The following ADAM22 variants were observed in gnomAD, a reference collection of about 807,000 sequenced individuals.
The protein encoded by ADAM22 is disintegrin and metalloproteinase domain-containing protein 22.
ADAM22 carries 65 observed loss-of-function variants against 144.6 expected under a neutral mutation model. The observed-to-expected ratio is 0.45, with a 90% CI of 0.37 to 0.55. The LOEUF (loss-of-function observed/expected upper bound fraction) is 0.55. Among genes scored for constraint, ADAM22 ranks in the 20% least tolerant of loss-of-function variants. The probability of loss-of-function intolerance (pLI) is 0.00; values close to 1 mark genes in which losing one functional copy is unlikely to be tolerated. For missense variants in ADAM22, 974 were observed against 1,184.9 expected (o/e 0.82, Z 2.61); for synonymous variants, 391 against 412.6 (o/e 0.95, Z 0.63).
chr7:88,065,590 T>C (rs1394578115), intron 3 of ADAM22, among the ~76,000 whole-genome samples: 2 of 152,028 alleles, frequency 1.3e-5, no homozygotes, highest in Non-Finnish European at 2.9e-5. Context: ...TTCTTGACAA[T>C]ATATATTTTT....
intron 4 of ADAM22, among the ~76,000 whole-genome samples, chr7:88,102,060 G>C (rs948323789): frequency 1.2e-4 from 19 of 152,152 alleles, no homozygotes; most frequent in Admixed American, 2.0e-4. Context: ...TTTCTCACTT[G>C]TAAAAGGGGG....
At chr7:87,939,969 G>A (rs1016920132) in intron 2 of ADAM22, among the ~76,000 whole-genome samples, 3 of 152,052 alleles carry the variant, frequency 2.0e-5, no homozygotes, top group African/African-American at 7.2e-5. Context: ...CGAGGTAGGT[G>A]GATCATTTGA....
chr7:88,120,417 C>T (rs1421235179), intron 7 of ADAM22, among the ~76,000 whole-genome samples: 2 of 152,002 alleles, frequency 1.3e-5, no homozygotes, highest in African/African-American at 4.8e-5. Context: ...TTGCTGAACC[C>T]TTTTTCCAAA....
At chr7:87,951,091 C>T (rs1844999089) in intron 2 of ADAM22, among the ~76,000 whole-genome samples, 1 of 151,972 alleles carries the variant, frequency 6.6e-6, no homozygotes, top group Non-Finnish European at 1.5e-5. Context: ...CTGTAGGTTG[C>T]CTGTTCACTC....
intron 3 of ADAM22, among the ~76,000 whole-genome samples, chr7:88,001,444 T>G (rs546859573): frequency 1.7e-4 from 26 of 152,296 alleles, no homozygotes; most frequent in African/African-American, 6.0e-4. Context: ...ATTTTAGGGT[T>G]AGGAATGCTC....
At chr7:88,080,050 T>A (rs752056634) in intron 4 of ADAM22, among the ~76,000 whole-genome samples, 10 of 152,190 alleles carry the variant, frequency 6.6e-5, no homozygotes, top group Non-Finnish European at 1.5e-4. Flanking sequence ...ATACATTCTT[T>A]TCAGCACCAC....
At chr7:87,994,248 G>A (rs954914894) in intron 3 of ADAM22, among the ~76,000 whole-genome samples, 1 of 150,800 alleles carries the variant, frequency 6.6e-6, no homozygotes, top group Non-Finnish European at 1.5e-5. Context: ...TGCAAGCTCC[G>A]CCTCCTGGTT....
At chr7:87,949,931 T>C (rs1198806241) in intron 2 of ADAM22, among the ~76,000 whole-genome samples, 5 of 150,616 alleles carry the variant, frequency 3.3e-5, no homozygotes, top group Non-Finnish European at 5.9e-5. Context: ...TAATATAAAA[T>C]ATTTATATTC....
chr7:88,178,932 T>C lies in ADAM22; in HGVS notation c.2301-3T>C. The C allele has an allele frequency of 2.5e-6, 4 of 1,601,946 alleles. No homozygotes were observed. The highest frequency in any genetic ancestry group is 2.6e-6 in the Non-Finnish European group (3 of 1,173,144). On this transcript the variant is annotated splice_region_variant and splice_polypyrimidine_tract_variant and intron_variant, in intron 26 of 31. Transcript: ENST00000413139. ...TGACTCTGAAATGTTTATTATGCCT[T>C]AGACAGTTACCCCAGGGAGATTATG...
At position 88,197,191 on chromosome 7, in the gene ADAM22, C is replaced by T. The variant is rs1459049418; in HGVS notation, c.*700C>T. 1.3e-5 allele frequency: 2 copies of T among 152,346 alleles called. No homozygotes were observed. Among genetic ancestry groups the T allele is most frequent in the African/African-American group, 4.8e-5 (2 of 41,438 alleles). The allele number at this position is 152,346 out of a possible 1,614,324, so 9.4% of individuals were successfully genotyped here. On this transcript the variant is annotated 3_prime_UTR_variant, in exon 32 of 32. Coordinates refer to ENST00000413139, the MANE Select transcript of ADAM22 (RefSeq NM_001324418.2). The stretch of plus-strand genomic sequence containing the variant: ...TGCCAAATGCCTAAAAATTCCGTCA[C>T]AATCACATCATCGTCATCCATCCAG...
chr7:87,949,382 C>T (rs1844472690), intron 2 of ADAM22, among the ~76,000 whole-genome samples: 2 of 152,242 alleles, frequency 1.3e-5, no homozygotes, highest in African/African-American at 4.8e-5. Flanking sequence ...CACATAAAGT[C>T]TCCTTGCTGT....
At chr7:88,154,382 T>C (rs1839307965) in intron 21 of ADAM22, among the ~76,000 whole-genome samples, 1 of 152,144 alleles carries the variant, frequency 6.6e-6, no homozygotes, top group Non-Finnish European at 1.5e-5. Context: ...CCTCCATGCC[T>C]ACATTTATGC....
chr7:88,138,477 G>A (rs1395720397), intron 14 of ADAM22, among the ~76,000 whole-genome samples: 3 of 152,128 alleles, frequency 2.0e-5, no homozygotes, highest in East Asian at 3.9e-4. Context: ...GGGATATGAC[G>A]CTATAATTTG....
chr7:87,975,106 G>A (rs1041330170), intron 2 of ADAM22, among the ~76,000 whole-genome samples: 1 of 151,982 alleles, frequency 6.6e-6, no homozygotes, highest in Non-Finnish European at 1.5e-5. Flanking sequence ...GCATATTTAG[G>A]GGTCATTATT....
intron 3 of ADAM22, among the ~76,000 whole-genome samples, chr7:88,059,966 T>C (rs561542625): frequency 6.6e-6 from 1 of 152,176 alleles, no homozygotes; most frequent in South Asian, 2.1e-4. Flanking sequence ...CTCTTAATTA[T>C]ACAATATATA....
intron 7 of ADAM22, among the ~76,000 whole-genome samples, chr7:88,120,074 T>A (rs528108312): frequency 6.6e-6 from 1 of 152,204 alleles, no homozygotes; most frequent in African/African-American, 2.4e-5. Flanking sequence ...ATTCAGTATA[T>A]CTTGGGTGGG....
At chr7:87,964,916 C>T (rs1442571104) in intron 2 of ADAM22, among the ~76,000 whole-genome samples, 2 of 152,158 alleles carry the variant, frequency 1.3e-5, no homozygotes, top group African/African-American at 2.4e-5. Flanking sequence ...ATTTTCTAAC[C>T]TATGTGTGCA....
chr7:88,054,093 C>T (rs1479192928), intron 3 of ADAM22, among the ~76,000 whole-genome samples: 1 of 152,150 alleles, frequency 6.6e-6, no homozygotes, highest in Admixed American at 6.5e-5. Context: ...GATCATGCTA[C>T]TGCACTTCAG....
chr7:88,155,838 G>GT, intron 21 of ADAM22, 49 bp from the exon 22 acceptor site: 5 of 1,598,528 alleles, frequency 3.1e-6, no homozygotes, highest in Non-Finnish European at 4.3e-6. Context: ...ACTGTACATG[G>GT]TTTGCTATAT....
Sources: allele counts gnomAD v4.1 joint callset (sites outside exome capture counted in the v4.1 genomes callset), GRCh38; gene constraint gnomAD v4.1.1; transcripts MANE v1.5; gene names NCBI Gene and HGNC (gene_info 2026-07-23, HGNC 2026-07-21).